STAG3: variants seen among roughly 807,000 people sequenced by gnomAD.
The protein encoded by STAG3 is STAG3 cohesin complex component.
A neutral mutation model predicts 160.7 loss-of-function variants in STAG3; 101 were observed. The observed-to-expected ratio is 0.63, with a 90% confidence interval of 0.54 to 0.74. STAG3 has a LOEUF of 0.74. STAG3 is among the 30% of genes least tolerant of loss of function. The probability of loss-of-function intolerance (pLI) is 0.00; values close to 1 mark genes in which losing one functional copy is unlikely to be tolerated. For missense variants in STAG3, 1,188 were observed against 1,517.4 expected (o/e 0.78, Z 3.61); for synonymous variants, 519 against 585.0 (o/e 0.89, Z 1.63).
intron 4 of STAG3, among the ~76,000 whole-genome samples, 180 bp downstream of exon 4, chr7:100,183,019 CTT>C (rs751743322): frequency 6.9e-6 from 1 of 145,556 alleles, no homozygotes; most frequent in Non-Finnish European, 1.5e-5. Context: ...AGAGCATGTT[CTT>C]TTTTTTTTTT....
intron 29 of STAG3, among the ~76,000 whole-genome samples, chr7:100,209,408 C>T (rs994105682): frequency 6.6e-6 from 1 of 152,160 alleles, no homozygotes; most frequent in African/African-American, 2.4e-5. Flanking sequence ...CAAGGAACAG[C>T]AGAGAAGACC....
chr7:100,201,608 C>T, intron 21 of STAG3, 178 bp from the exon 22 acceptor site: 1 of 648,468 alleles, frequency 1.5e-6, no homozygotes, highest in South Asian at 1.9e-5. Context: ...GGAGCGGTGA[C>T]ATTTCTACTT....
At chr7:100,182,610 T>G (rs1171283008) in intron 3 of STAG3, 113 bp from the exon 4 acceptor site, 5 of 1,010,454 alleles carry the variant, frequency 4.9e-6, no homozygotes, top group Non-Finnish European at 7.6e-6. Context: ...CAGACTCTGC[T>G]GTGGAATTGG....
In STAG3 at chr7:100,195,297, C is replaced by T. The variant is rs779652862; in HGVS notation, c.868-12C>T. ...TACAAGAAAGATTAACCCGTTTCTCCCTGTCCTCCAGCTCCAAGAGCATCA... is the reference window on the plus strand; with the variant it reads ...TACAAGAAAGATTAACCCGTTTCTCTCTGTCCTCCAGCTCCAAGAGCATCA... On this transcript the variant is annotated splice_polypyrimidine_tract_variant and intron_variant, in intron 8 of 33. Transcript: ENST00000615138. 6.2e-6 allele frequency: 10 copies of T among 1,613,544 alleles called. No homozygotes were observed. Among genetic ancestry groups the T allele is most frequent in the Middle Eastern group, 1.6e-4 (1 of 6,082 alleles).
At chr7:100,211,927 C>A in intron 32 of STAG3, 51 bp downstream of exon 32, 1 of 1,558,196 alleles carries the variant, frequency 6.4e-7, no homozygotes, top group Non-Finnish European at 8.8e-7. Context: ...GCTGATGTGC[C>A]AAAGAGAAGC....
intron 8 of STAG3, 31 bp from the exon 9 acceptor site, chr7:100,195,278 A>G: frequency 6.2e-7 from 1 of 1,605,108 alleles, no homozygotes; most frequent in Non-Finnish European, 8.5e-7. Flanking sequence ...AGGGTACAAG[A>G]AAGATTAACC....
intron 14 of STAG3, 114 bp downstream of exon 14, chr7:100,199,071 T>G: frequency 9.5e-7 from 1 of 1,053,482 alleles, no homozygotes; most frequent in Non-Finnish European, 1.5e-6. Context: ...GGGAGGATCC[T>G]TTGAGCCCAG....
At chr7:100,185,628 A>C (rs950828886) in intron 4 of STAG3, among the ~76,000 whole-genome samples, 2 of 152,162 alleles carry the variant, frequency 1.3e-5, no homozygotes, top group African/African-American at 4.8e-5. Flanking sequence ...GAAAAGAAAA[A>C]AAAAGATTAT....
rs1801780896 is a variant in STAG3 at position 100,207,693 on chromosome 7, C to T, written c.3238+2309C>T. On this transcript the variant is annotated intron_variant, in intron 29 of 33. Transcript: ENST00000615138. The surrounding 1 kb of genome is among the most constrained non-coding windows in gnomAD (Gnocchi z 4.0). ...GTGTTATTGGTGGTGTCCTTTGAAACACAAAAGTTCTTGAATTTGGTGAAA... is the reference window on the plus strand; with the variant it reads ...GTGTTATTGGTGGTGTCCTTTGAAATACAAAAGTTCTTGAATTTGGTGAAA... Among the ~76,000 whole-genome samples the T allele has an allele frequency of 6.6e-6, 1 of 152,174 alleles. No homozygotes were observed.
rs768476111 is a variant in STAG3 at position 100,213,766 on chromosome 7, G to C, written c.3632G>C (p.Arg1211Pro). 13 of 1,614,108 alleles carry C rather than the reference G, an allele frequency of 8.1e-6. No homozygotes were observed. In the African/African-American group the frequency reaches 1.6e-4, roughly 20 times the overall value. ...AGTAGCTACTCTTCCACCAGTGAGC[G>C]CGGGCTGGACCTCTTAGATTCTACA... is the stretch of plus-strand genomic sequence containing the variant. The part of the protein sequence containing the change: ...QASSYSSTSE[R>P]GLDLLDSTEL... The change falls in exon 33 of 34, where the codon CGC becomes CCC. Residue 1211 changes from arginine (R) to proline (P), a missense_variant. Arg to Pro is a moderately radical substitution (Grantham distance 103). Coordinates refer to ENST00000615138, the MANE Select transcript of STAG3 (RefSeq NM_001282717.2).
In STAG3 at chr7:100,205,295, C is replaced by T. The variant is rs146939525; in HGVS notation, c.3149C>T (p.Thr1050Ile). The T allele has an allele frequency of 2.3e-5, 37 of 1,614,178 alleles. No individual in the cohort carries two copies. In the African/African-American group the frequency reaches 4.7e-4, roughly 20 times the overall value. ...QAPGHPWGPV[T>I]TYCHSLSPVE... ...CCTGGCCATCCCTGGGGCCCAGTCA[C>T]CACCTACTGCCACTCCCTCAGCCCT... The change falls in exon 29 of 34, where the codon ACC becomes ATC. Residue 1050 changes from threonine (T) to isoleucine (I), a missense_variant. Coordinates refer to ENST00000615138, the MANE Select transcript of STAG3 (RefSeq NM_001282717.2).
chr7:100,189,371 A>G (rs535307102), intron 7 of STAG3, 74 bp from the exon 8 acceptor site: 46 of 1,489,852 alleles, frequency 3.1e-5, no homozygotes, highest in African/African-American at 2.1e-4. Context: ...CTTTCCTTCT[A>G]TTTTTTCCTT....
At chr7:100,215,685 C>T (rs1802698241), downstream of STAG3, among the ~76,000 whole-genome samples, 1 of 152,160 alleles carries the variant, frequency 6.6e-6, no homozygotes, top group African/African-American at 2.4e-5. Context: ...TGTGTACAGC[C>T]AGGCAGCCCA....
At chr7:100,191,971 C>G (rs13312450) in intron 8 of STAG3, among the ~76,000 whole-genome samples, 1 of 152,224 alleles carries the variant, frequency 6.6e-6, no homozygotes, top group Admixed American at 6.5e-5. Flanking sequence ...GATTCCATTT[C>G]AGGAAACCAC....
chr7:100,202,328 G>T lies in STAG3; in HGVS notation c.2551G>T (p.Asp851Tyr), dbSNP rs1562990306. Reference sequence around the variant, plus strand: ...GGACCACGTCTTCATCCAGCCGGGAGACCTGGGCAGTGGTGCAGTGACTCT... The same window carrying T: ...GGACCACGTCTTCATCCAGCCGGGATACCTGGGCAGTGGTGCAGTGACTCT... The part of the protein sequence containing the change: ...LMDHVFIQPG[D>Y]LGSGDSQEDH... Residue 851 changes from aspartate (D) to tyrosine (Y), a missense_variant, in exon 24 of 34, where the codon GAC (aspartate) becomes TAC (tyrosine). By Grantham distance (160) the Asp-to-Tyr change is radical (BLOSUM62 -3). Coordinates refer to ENST00000615138, the MANE Select transcript of STAG3 (RefSeq NM_001282717.2). The T allele has an allele frequency of 6.2e-7, 1 of 1,614,158 alleles. No individual in the cohort carries two copies. Among genetic ancestry groups the T allele is most frequent in the African/African-American group, 1.3e-5 (1 of 75,042 alleles).
Position 100,189,482 on chromosome 7 carries a change from C to A in STAG3, c.753C>A (p.Leu251=). ...TGACCTCCCTGGTAAAAGTTGCCCT[C>A]CAACTGAGTGTGCACCAAGATAACA... ...KLMTSLVKVA[L]QLSVHQDNNQ... The change falls in exon 8 of 34, where the codon CTC becomes CTA. Residue 251 remains leucine (L), a synonymous_variant. Coordinates refer to ENST00000615138, the MANE Select transcript of STAG3 (RefSeq NM_001282717.2). The A allele has an allele frequency of 6.2e-7, 1 of 1,614,096 alleles. No individual in the cohort carries two copies. Among genetic ancestry groups the A allele is most frequent in the South Asian group, 1.1e-5 (1 of 91,064 alleles).
intron 29 of STAG3, among the ~76,000 whole-genome samples, chr7:100,205,597 C>A (rs956726016): frequency 6.6e-6 from 1 of 151,994 alleles, no homozygotes; most frequent in East Asian, 1.9e-4. Flanking sequence ...TTTGGGAGGC[C>A]GAGGCAGGCG....
At chr7:100,181,750 C>A (rs1417704857) in intron 2 of STAG3, among the ~76,000 whole-genome samples, 1 of 152,084 alleles carries the variant, frequency 6.6e-6, no homozygotes, top group Non-Finnish European at 1.5e-5. Flanking sequence ...GAGTTTGAGA[C>A]CACCTTGGCC....
At chr7:100,212,113 C>T (rs1311263954) in intron 32 of STAG3, 3 of 423,464 alleles carry the variant, frequency 7.1e-6, no homozygotes, top group East Asian at 4.2e-5. Flanking sequence ...CACTCTCGCT[C>T]CCAATCCCTA....
Sources: gnomAD v4.1 joint callset for allele counts (sites outside exome capture counted in the v4.1 genomes callset) on GRCh38, gnomAD v4.1.1 for gene constraint, Gnocchi (gnomAD v3.1) non-coding constraint, MANE v1.5 for transcripts, NCBI Gene and HGNC (gene_info 2026-07-23, HGNC 2026-07-21) for gene names.